Variants in SPRED2 observed in about 807,000 individuals in gnomAD.
SPRED2 encodes the protein sprouty related EVH1 domain containing 2.
A neutral mutation model predicts 43.0 loss-of-function variants in SPRED2; 47 were observed. The ratio of observed to expected loss-of-function variants is 1.09; its 90% confidence interval spans 0.87 to 1.40. The LOEUF (loss-of-function observed/expected upper bound fraction) is 1.40. SPRED2 is among the 40% of genes most tolerant of loss of function. The pLI, the probability that SPRED2 is intolerant of heterozygous loss-of-function variation, is 0.00. For missense variants in SPRED2, 561 were observed against 586.4 expected, an observed-to-expected ratio of 0.96 and a Z score of 0.45; for synonymous variants, 225 against 225.7, an observed-to-expected ratio of 1.00 and a Z score of 0.03.
chr2:65,401,935 G>GCACA lies in SPRED2; in HGVS notation c.26+30026_26+30027insTGTG, dbSNP rs544327137. On this transcript the variant is annotated intron_variant, in intron 1 of 5. Transcript: ENST00000356388. The stretch of plus-strand genomic sequence containing the variant: ...AAACGATCAGAATATTAGCGCGCGC[G>GCACA]CGCACACACACACACACACACACAC... 3.1e-3 allele frequency among the ~76,000 whole-genome samples: 280 copies of GCACA among 89,334 alleles called. 1 individual carries two copies. Among genetic ancestry groups the GCACA allele is most frequent in the African/African-American group, 9.0e-3 (248 of 27,648 alleles). The allele number at this position is 89,334 out of a possible 152,430, so 58.6% of individuals were successfully genotyped here.
intron 1 of SPRED2, among the ~76,000 whole-genome samples, chr2:65,399,446 G>A (rs1477794509): frequency 1.5e-4 from 22 of 143,032 alleles, no homozygotes; most frequent in Non-Finnish European, 4.5e-5. Flanking sequence ...GCAGTGGTGC[G>A]ATCTCAGCTC....
intron 1 of SPRED2, among the ~76,000 whole-genome samples, chr2:65,379,759 C>G (rs1675328661): frequency 6.6e-6 from 1 of 152,188 alleles, no homozygotes; most frequent in South Asian, 2.1e-4. Flanking sequence ...ACTACACTTT[C>G]TCCACAGCAA....
chr2:65,397,549 G>A (rs1397732395), intron 1 of SPRED2, among the ~76,000 whole-genome samples: 1 of 151,384 alleles, frequency 6.6e-6, no homozygotes, highest in Non-Finnish European at 1.5e-5. Context: ...ACCCTGCCCA[G>A]CTGTGGGCAG....
At chr2:65,314,889 G>C (rs1293945884) in intron 5 of SPRED2, among the ~76,000 whole-genome samples, 2 of 152,164 alleles carry the variant, frequency 1.3e-5, no homozygotes, top group Non-Finnish European at 2.9e-5. Flanking sequence ...ACAGGAGAAG[G>C]ATAGAGTGAA....
At chr2:65,330,051 C>T (rs1178101531) in intron 4 of SPRED2, among the ~76,000 whole-genome samples, 1 of 152,202 alleles carries the variant, frequency 6.6e-6, no homozygotes, top group East Asian at 1.9e-4. Context: ...CTGAGAGGTT[C>T]AGTCCAGCCT....
chr2:65,318,238 G>C (rs1673303554), intron 4 of SPRED2, among the ~76,000 whole-genome samples: 1 of 152,166 alleles, frequency 6.6e-6, no homozygotes, highest in South Asian at 2.1e-4. Context: ...GGCCTCCCCA[G>C]CCATGCGGAA....
intron 1 of SPRED2, among the ~76,000 whole-genome samples, chr2:65,385,548 G>A (rs1234092922): frequency 6.6e-6 from 1 of 152,150 alleles, no homozygotes; most frequent in East Asian, 1.9e-4. Flanking sequence ...AGGGATGGGA[G>A]TTAGGAGAGT....
chr2:65,324,408 A>G (rs1673540917), intron 4 of SPRED2, among the ~76,000 whole-genome samples: 1 of 152,208 alleles, frequency 6.6e-6, no homozygotes, highest in African/African-American at 2.4e-5. Flanking sequence ...ATGGACTGGC[A>G]GTTTCCCCAA....
intron 1 of SPRED2, among the ~76,000 whole-genome samples, chr2:65,364,258 C>T (rs1674904904): frequency 6.6e-6 from 1 of 152,140 alleles, no homozygotes; most frequent in South Asian, 2.1e-4. Context: ...CAATGAATCC[C>T]CACTAGGGCG....
intron 1 of SPRED2, among the ~76,000 whole-genome samples, chr2:65,408,554 A>T (rs2661798): frequency 0.34 from 52,256 of 151,812 alleles, 10,080 homozygotes; most frequent in Non-Finnish European, 0.44. Flanking sequence ...GTCGCCAGCC[A>T]CAGGAATTAG....
At chr2:65,352,473 C>A (rs1010637911) in intron 1 of SPRED2, among the ~76,000 whole-genome samples, 2 of 152,244 alleles carry the variant, frequency 1.3e-5, no homozygotes, top group Admixed American at 1.3e-4. Flanking sequence ...GCTCACAGTG[C>A]CAGGGCACTA....
chr2:65,311,999 C>A lies in SPRED2; in HGVS notation c.*1502G>T, dbSNP rs1572824762. On this transcript the variant is annotated 3_prime_UTR_variant, in exon 6 of 6. Transcript: ENST00000356388. The stretch of plus-strand genomic sequence containing the variant: ...CACAGAAAGATCGTGGCGGGAAGAA[C>A]AGCCGGCGTCCGCAAGCCTGTCCCC... 1.0e-6 allele frequency: 1 copy of A among 985,180 alleles called. No homozygotes were observed. The highest frequency in any genetic ancestry group is 1.7e-5 in the African/African-American group (1 of 57,332). The allele number at this position is 985,180 out of a possible 1,614,324, so 61.0% of individuals were successfully genotyped here.
intron 1 of SPRED2, among the ~76,000 whole-genome samples, chr2:65,405,022 G>A (rs188875312): frequency 5.3e-5 from 8 of 152,314 alleles, no homozygotes; most frequent in African/African-American, 1.4e-4. Context: ...TTATAAACAC[G>A]TTGTAGAGAT....
Position 65,344,848 on chromosome 2 carries a change from G to C in SPRED2, c.75C>G (p.Asp25Glu). Reference protein sequence around the residue: ...RVKAVVMTRDDSSGGWFPQEG... With the variant: ...RVKAVVMTRDESSGGWFPQEG... Reference sequence around the variant, plus strand: ...CCTGTGGGAACCATCCCCCGCTGGAGTCATCTCTGGTCATAACCACAGCCT... The same window carrying C: ...CCTGTGGGAACCATCCCCCGCTGGACTCATCTCTGGTCATAACCACAGCCT... The change falls in exon 2 of 6, where the codon GAC becomes GAG. Residue 25 changes from aspartate to glutamate, a missense_variant. Asp to Glu is a conservative substitution (Grantham distance 45). Around this residue, in one of 6 missense-constraint regions of SPRED2, gnomAD observed 305 missense variants for 282.4 expected, o/e 1.08. Transcript: ENST00000356388. 6.2e-7 allele frequency: 1 copy of C among 1,614,116 alleles called. No individual in the cohort carries two copies. The highest frequency in any genetic ancestry group is 8.5e-7 in the Non-Finnish European group (1 of 1,180,024).
At chr2:65,380,089 C>T (rs1675336522) in intron 1 of SPRED2, among the ~76,000 whole-genome samples, 1 of 152,182 alleles carries the variant, frequency 6.6e-6, no homozygotes, top group Admixed American at 6.5e-5. Context: ...CCTGCACTCA[C>T]ATATTCAGGT....
At chr2:65,366,612 C>A (rs1449279851) in intron 1 of SPRED2, 1 of 1,553,584 alleles carries the variant, frequency 6.4e-7, no homozygotes, top group Non-Finnish European at 8.7e-7. Context: ...GCCATTTCCT[C>A]TACATTGTGG....
At chr2:65,372,646 C>G (rs1227242849) in intron 1 of SPRED2, among the ~76,000 whole-genome samples, 1 of 152,168 alleles carries the variant, frequency 6.6e-6, no homozygotes, top group Non-Finnish European at 1.5e-5. Context: ...TGGGTTAACT[C>G]AAGTCCTGGA....
At chr2:65,411,846 A>G (rs1348432081) in intron 1 of SPRED2, among the ~76,000 whole-genome samples, 2 of 152,188 alleles carry the variant, frequency 1.3e-5, no homozygotes, top group Admixed American at 1.3e-4. Flanking sequence ...ATGAACAGCA[A>G]GACCAGGCGC....
chr2:65,326,464 T>G (rs1268888866), intron 4 of SPRED2, among the ~76,000 whole-genome samples: 2 of 152,224 alleles, frequency 1.3e-5, no homozygotes, highest in Non-Finnish European at 2.9e-5. Context: ...CCAGGTGTCC[T>G]CTTTCAAAGA....
Sources: gnomAD v4.1 joint callset for allele counts (sites outside exome capture counted in the v4.1 genomes callset) on GRCh38, gnomAD v4.1.1 for gene constraint, gnomAD v4.1.1 regional missense constraint, MANE v1.5 for transcripts, NCBI Gene and HGNC (gene_info 2026-07-23, HGNC 2026-07-21) for gene names.